Variants in PTPRT observed in about 807,000 individuals in gnomAD.
PTPRT encodes the protein protein tyrosine phosphatase receptor type T, also known as receptor-type tyrosine-protein phosphatase T.
PTPRT carries 56 observed loss-of-function variants against 176.8 expected under a neutral mutation model. The observed-to-expected ratio is 0.32, with a 90% CI of 0.26 to 0.40. PTPRT has a LOEUF of 0.40. Ranked by LOEUF, PTPRT falls within the 10% of genes least tolerant of loss-of-function variation. The probability of loss-of-function intolerance (pLI) is 1.00; values close to 1 mark genes in which losing one functional copy is unlikely to be tolerated. For synonymous variants in PTPRT, 783 were observed against 739.0 expected, an observed-to-expected ratio of 1.06 and a Z score of -0.96; for missense variants, 1,540 against 1,908.2, an observed-to-expected ratio of 0.81 and a Z score of 3.60.
At chr20:42,220,694 T>C (rs966753021) in intron 15 of PTPRT, among the ~76,000 whole-genome samples, 6 of 152,232 alleles carry the variant, frequency 3.9e-5, no homozygotes, top group African/African-American at 1.4e-4. Flanking sequence ...AAGTTTTTTA[T>C]GTATGTCTGC....
intron 1 of PTPRT, among the ~76,000 whole-genome samples, chr20:43,110,230 C>G (rs2012798966): frequency 6.6e-6 from 1 of 152,112 alleles, no homozygotes; most frequent in Admixed American, 6.5e-5. Flanking sequence ...ATGCCAGGTT[C>G]TTTTTAATAC....
At chr20:42,412,958 T>C (rs1191082386) in intron 9 of PTPRT, among the ~76,000 whole-genome samples, 1 of 152,212 alleles carries the variant, frequency 6.6e-6, no homozygotes, top group African/African-American at 2.4e-5. Context: ...TTTATTTCAA[T>C]AGTGGTAGTG....
intron 6 of PTPRT, among the ~76,000 whole-genome samples, chr20:42,733,992 A>G (rs1264265780): frequency 2.0e-5 from 3 of 152,198 alleles, no homozygotes; most frequent in Non-Finnish European, 4.4e-5. Context: ...TCAACTGGGA[A>G]GCAGACCCTG....
intron 7 of PTPRT, among the ~76,000 whole-genome samples, chr20:42,544,840 G>A (rs970015546): frequency 6.6e-6 from 1 of 152,182 alleles, no homozygotes; most frequent in Non-Finnish European, 1.5e-5. Flanking sequence ...TCTTAAGAGA[G>A]ACAAGGTCTC....
At chr20:42,139,297 C>G (rs1276180954) in intron 18 of PTPRT, among the ~76,000 whole-genome samples, 1 of 152,094 alleles carries the variant, frequency 6.6e-6, no homozygotes, top group Non-Finnish European at 1.5e-5. Context: ...TTAAACCCAT[C>G]AAGGTGGTAT....
intron 1 of PTPRT, among the ~76,000 whole-genome samples, chr20:43,043,560 C>T (rs1001281892): frequency 1.3e-5 from 2 of 152,162 alleles, no homozygotes; most frequent in Non-Finnish European, 2.9e-5. Context: ...GAGAGCAGAA[C>T]TCATTTTCCT....
At chr20:43,048,249 C>A (rs1015811035) in intron 1 of PTPRT, among the ~76,000 whole-genome samples, 3 of 151,894 alleles carry the variant, frequency 2.0e-5, no homozygotes, top group African/African-American at 7.3e-5. Context: ...GGAGGATGGA[C>A]CATGCCTGAG....
intron 7 of PTPRT, among the ~76,000 whole-genome samples, chr20:42,562,808 A>G (rs1293107319): frequency 6.6e-6 from 1 of 152,200 alleles, no homozygotes; most frequent in Non-Finnish European, 1.5e-5. Flanking sequence ...CAGGCCAGCC[A>G]TCCTCAGCTT....
intron 1 of PTPRT, among the ~76,000 whole-genome samples, chr20:43,054,375 G>A (rs566221018): frequency 3.0e-4 from 45 of 152,104 alleles, no homozygotes; most frequent in African/African-American, 8.4e-4. Context: ...GCAACACGGC[G>A]AAACTTCGTC....
rs58775017 is a variant in PTPRT, at chr20:42,973,457, T to TTGTG, written c.89-87529_89-87526dup. On this transcript the variant is annotated intron_variant, in intron 1 of 30. Transcript: ENST00000373187. ...ATCCTCTCTCTCTCTCTGTGTGTGT[T>TTGTG]TGTGTGTGTGTGTGTGCATCATATT... 2.2e-3 allele frequency among the ~76,000 whole-genome samples: 329 copies of TTGTG among 151,340 alleles called. 1 individual carries two copies. Among genetic ancestry groups the TTGTG allele is most frequent in the African/African-American group, 7.6e-3 (314 of 41,274 alleles).
rs1401887415 is a variant in PTPRT at position 42,634,061 on chromosome 20, T to TA, written c.1153+43804dup. On this transcript the variant is annotated intron_variant, in intron 7 of 30. Coordinates refer to ENST00000373187, the MANE Select transcript of PTPRT (RefSeq NM_007050.6). ...ATATATTATATATATATTATAAATA[T>TA]ATAATATATATATAATATATATATA... Among the ~76,000 whole-genome samples the TA allele has an allele frequency of 6.7e-3, 263 of 39,108 alleles. 10 individuals are homozygous for TA. The highest frequency in any genetic ancestry group is 0.04 in the African/African-American group (260 of 6,534). 25.7% of individuals were successfully genotyped at this position (39,108 alleles called of 152,430 possible). A position where few individuals can be genotyped will look rare whatever the true frequency, so the allele number is the denominator to read the frequency against.
At chr20:42,931,697 G>A (rs769956788) in intron 1 of PTPRT, among the ~76,000 whole-genome samples, 27 of 152,204 alleles carry the variant, frequency 1.8e-4, no homozygotes, top group Non-Finnish European at 2.5e-4. Flanking sequence ...AAGATCTTCC[G>A]CATCAGATGG....
Position 42,282,544 on chromosome 20 carries a change from A to C in PTPRT, c.2140-19T>G. On this transcript the variant is annotated intron_variant, in intron 12 of 30. Transcript: ENST00000373187. ...TGGTCTCCTGTGAACAACAAAAATG[A>C]GATGCCAATTAATTAGCTGTGAGTT... is the stretch of plus-strand genomic sequence containing the variant. The C allele has an allele frequency of 6.3e-7, 1 of 1,598,488 alleles. No individual in the cohort carries two copies.
At chr20:43,106,743 G>A (rs111978332) in intron 1 of PTPRT, among the ~76,000 whole-genome samples, 13,965 of 148,926 alleles carry the variant, frequency 0.094, 850 homozygotes, top group African/African-American at 0.15. Flanking sequence ...GGAGACAGAC[G>A]TATTTGTGGG....
intron 8 of PTPRT, among the ~76,000 whole-genome samples, chr20:42,459,911 C>T (rs2070989788): frequency 6.6e-6 from 1 of 150,906 alleles, no homozygotes; most frequent in South Asian, 2.1e-4. Context: ...GCCACCATCC[C>T]CAGCCAGAAG....
In PTPRT at chr20:42,435,676, C is replaced by T. The variant is rs1459427146; in HGVS notation, c.1560+12544G>A. 2.6e-5 allele frequency among the ~76,000 whole-genome samples: 4 copies of T among 152,146 alleles called. No individual in the cohort carries two copies. The East Asian group carries it at 7.7e-4, about 29-fold the overall frequency. ...ATTAAAGAAAACCTAAATAAATATA[C>T]AGAGATTGAATATCATAAAATGTCA... On this transcript the variant is annotated intron_variant, in intron 9 of 30. Coordinates refer to ENST00000373187, the MANE Select transcript of PTPRT (RefSeq NM_007050.6).
chr20:43,005,655 T>C (rs1984814645), intron 1 of PTPRT, among the ~76,000 whole-genome samples: 1 of 152,242 alleles, frequency 6.6e-6, no homozygotes, highest in African/African-American at 2.4e-5. Context: ...AAGCTGACCC[T>C]GTGTCTATTT....
At chr20:42,604,429 T>C (rs542434250) in intron 7 of PTPRT, among the ~76,000 whole-genome samples, 4 of 152,330 alleles carry the variant, frequency 2.6e-5, no homozygotes, top group East Asian at 1.9e-4. Context: ...CAGGAGCTCA[T>C]GAATACTGTG....
At chr20:42,672,826 A>C (rs982357174) in intron 7 of PTPRT, among the ~76,000 whole-genome samples, 1 of 152,140 alleles carries the variant, frequency 6.6e-6, no homozygotes, top group African/African-American at 2.4e-5. Flanking sequence ...ATGCATCCCC[A>C]CCTGCCTTAG....
Sources: allele counts gnomAD v4.1 joint callset (sites outside exome capture counted in the v4.1 genomes callset), GRCh38; gene constraint gnomAD v4.1.1; transcripts MANE v1.5; gene names NCBI Gene and HGNC (gene_info 2026-07-23, HGNC 2026-07-21).